KCNC2: variants seen among roughly 807,000 people sequenced by gnomAD.
The protein encoded by KCNC2 is voltage-gated potassium channel KCNC2.
A neutral mutation model predicts 44.5 loss-of-function variants in KCNC2; 21 were observed. The observed-to-expected ratio is 0.47, with a 90% CI of 0.33 to 0.68. KCNC2 has a LOEUF of 0.68. Among genes scored for constraint, KCNC2 ranks in the 30% least tolerant of loss-of-function variants. KCNC2 has a pLI of 0.01. For missense variants in KCNC2, 589 were observed against 826.2 expected, an observed-to-expected ratio of 0.71 and a Z score of 3.52; for synonymous variants, 391 against 339.1, an observed-to-expected ratio of 1.15 and a Z score of -1.68.
intron 2 of KCNC2, among the ~76,000 whole-genome samples, chr12:75,070,308 A>AG (rs1883269588): frequency 6.6e-6 from 1 of 151,904 alleles, no homozygotes; most frequent in South Asian, 2.1e-4. Flanking sequence ...AAAATTAGCC[A>AG]GTCATGGTGG....
intron 2 of KCNC2, among the ~76,000 whole-genome samples, chr12:75,100,508 A>G (rs1160697738): frequency 6.6e-6 from 1 of 151,972 alleles, no homozygotes; most frequent in African/African-American, 2.4e-5. Context: ...CACTTATGAC[A>G]TTGAATTTAA....
chr12:75,176,169 G>T (rs1367144840), intron 2 of KCNC2, among the ~76,000 whole-genome samples: 2 of 152,034 alleles, frequency 1.3e-5, no homozygotes, highest in Admixed American at 6.6e-5. Context: ...TGGAATGGCA[G>T]GTACCTGTAC....
In KCNC2 at chr12:75,176,978, AAAG is replaced by A. The variant is rs903473284; in HGVS notation, c.687+30316_687+30318del. Among the ~76,000 whole-genome samples the A allele has an allele frequency of 2.0e-4, 30 of 150,902 alleles. No homozygotes were observed. The Middle Eastern group carries it at 0.01, about 52-fold the overall frequency. On this transcript the variant is annotated intron_variant, in intron 2 of 4. Transcript: ENST00000549446. ...ACTATTGCGTCTCGTTAAAATGTAT[AAAG>A]AAGAAGACTGTGTCAACATGAAACT...
chr12:75,135,825 C>A (rs1466842500), intron 2 of KCNC2, among the ~76,000 whole-genome samples: 4 of 152,082 alleles, frequency 2.6e-5, no homozygotes, highest in East Asian at 1.9e-4. Flanking sequence ...TATTTCTAAT[C>A]TTTAATTGTG....
rs1879844995 is a variant in KCNC2 at position 75,041,074 on chromosome 12, C to T, written c.*2031G>A. The T allele has an allele frequency of 6.3e-7, 1 of 1,586,478 alleles. No homozygotes were observed. The highest frequency in any genetic ancestry group is 1.1e-5 in the South Asian group (1 of 90,856). On this transcript the variant is annotated 3_prime_UTR_variant, in exon 5 of 5. Coordinates refer to ENST00000549446, the MANE Select transcript of KCNC2 (RefSeq NM_139137.4). ...GTGCCTCATGAAGACGCGAGGATCTCTTCCAAGTGCAACCTGGTCACATCA... is the reference window on the plus strand; with the variant it reads ...GTGCCTCATGAAGACGCGAGGATCTTTTCCAAGTGCAACCTGGTCACATCA...
At chr12:75,144,285 T>G (rs1889860144) in intron 2 of KCNC2, among the ~76,000 whole-genome samples, 1 of 152,224 alleles carries the variant, frequency 6.6e-6, no homozygotes, top group Non-Finnish European at 1.5e-5. Flanking sequence ...TCCTTACATA[T>G]CTTTAAAATG....
At chr12:75,086,681 A>AAAAATATATATATATATATATAT (rs1206456289) in intron 2 of KCNC2, among the ~76,000 whole-genome samples, 1 of 54,206 alleles carries the variant, frequency 1.8e-5, no homozygotes, top group East Asian at 5.5e-4. Context: ...AAAAAAAAAA[A>AAAAATATATATATATATATATAT]ATATATATAT....
chr12:75,146,042 C>T (rs139867159), intron 2 of KCNC2, among the ~76,000 whole-genome samples: 35 of 151,680 alleles, frequency 2.3e-4, no homozygotes, highest in African/African-American at 7.3e-4. Flanking sequence ...CAGGTTCCAC[C>T]TCCCGGGGTT....
At chr12:75,121,938 CT>C (rs1232182943) in intron 2 of KCNC2, among the ~76,000 whole-genome samples, 1 of 31,992 alleles carries the variant, frequency 3.1e-5, no homozygotes, top group African/African-American at 1.3e-4. Context: ...TTATCAGCTT[CT>C]TGAACACTGA....
At position 75,040,218 on chromosome 12, in the gene KCNC2, C is replaced by A. The variant is rs199576953; in HGVS notation, c.*2887G>T. 7 of 151,918 alleles carry A rather than the reference C, an allele frequency of 4.6e-5. No individual in the cohort carries two copies. Among genetic ancestry groups the A allele is most frequent in the Admixed American group, 4.6e-4 (7 of 15,212 alleles). The allele number at this position is 151,918 out of a possible 1,614,324, so 9.4% of individuals were successfully genotyped here. On this transcript the variant is annotated 3_prime_UTR_variant, in exon 5 of 5. Transcript: ENST00000549446. Reference sequence around the variant, plus strand: ...CCTTGAAATGTTCACAAAAGGTCCACGATACAGGGATTTATAATAGGCTAT... The same window carrying A: ...CCTTGAAATGTTCACAAAAGGTCCAAGATACAGGGATTTATAATAGGCTAT...
chr12:75,115,729 T>C (rs1052160149), intron 2 of KCNC2, among the ~76,000 whole-genome samples: 3 of 152,220 alleles, frequency 2.0e-5, no homozygotes, highest in Admixed American at 1.3e-4. Context: ...TATTTATTTC[T>C]CTACTTGTGT....
chr12:75,154,353 T>A lies in KCNC2; in HGVS notation c.687+52944A>T, dbSNP rs1890614992. On this transcript the variant is annotated intron_variant, in intron 2 of 4. Coordinates refer to ENST00000549446, the MANE Select transcript of KCNC2 (RefSeq NM_139137.4). ...TATTTTTGATACAAAACTGGCTTTA[T>A]AGAGTGAGCAGCTGAGATTTAGGAA... Among the ~76,000 whole-genome samples, 3 of 152,042 alleles carry A rather than the reference T, an allele frequency of 2.0e-5. No homozygotes were observed. The South Asian group carries it at 6.2e-4, about 31-fold the overall frequency.
At chr12:75,088,252 C>T (rs1411849940) in intron 2 of KCNC2, among the ~76,000 whole-genome samples, 2 of 151,976 alleles carry the variant, frequency 1.3e-5, no homozygotes, top group Non-Finnish European at 2.9e-5. Flanking sequence ...AGATTACTTC[C>T]TAAGTTTCAG....
chr12:75,176,511 C>T (rs539814209), intron 2 of KCNC2, among the ~76,000 whole-genome samples: 82 of 152,110 alleles, frequency 5.4e-4, no homozygotes, highest in African/African-American at 1.8e-3. Context: ...CTCTTCCCCT[C>T]TGCTCACCCT....
intron 2 of KCNC2, among the ~76,000 whole-genome samples, chr12:75,101,881 A>C (rs1365316629): frequency 1.3e-5 from 2 of 152,102 alleles, no homozygotes; most frequent in African/African-American, 4.8e-5. Flanking sequence ...AGAGGAAAAG[A>C]CTACATTTAG....
chr12:75,125,840 T>C (rs987046286), intron 2 of KCNC2, among the ~76,000 whole-genome samples: 4 of 152,190 alleles, frequency 2.6e-5, no homozygotes, highest in Non-Finnish European at 5.9e-5. Context: ...ACTGAATTCA[T>C]CTCTCTTCCT....
intron 2 of KCNC2, among the ~76,000 whole-genome samples, chr12:75,142,143 C>T (rs556788341): frequency 5.1e-4 from 78 of 152,258 alleles, no homozygotes; most frequent in South Asian, 2.5e-3. Context: ...GAGTTATCAG[C>T]TTCATTTCAT....
chr12:75,131,941 T>A (rs1888877223), intron 2 of KCNC2, among the ~76,000 whole-genome samples: 1 of 152,088 alleles, frequency 6.6e-6, no homozygotes, highest in African/African-American at 2.4e-5. Flanking sequence ...AGATAATAAA[T>A]GGATGTTATT....
intron 2 of KCNC2, among the ~76,000 whole-genome samples, chr12:75,085,693 T>C (rs560453205): frequency 2.0e-5 from 3 of 152,170 alleles, no homozygotes; most frequent in East Asian, 3.9e-4. Flanking sequence ...AAATGGAAAA[T>C]AGATGCTCTA....
Sources: gnomAD v4.1 joint callset for allele counts (sites outside exome capture counted in the v4.1 genomes callset) on GRCh38, gnomAD v4.1.1 for gene constraint, MANE v1.5 for transcripts, NCBI Gene and HGNC (gene_info 2026-07-23, HGNC 2026-07-21) for gene names.